ZNF148: variants seen among roughly 807,000 people sequenced by gnomAD.
The protein encoded by ZNF148 is Beta-Enolase Repressor Factor-1.
ZNF148 carries 7 observed loss-of-function variants against 67.7 expected under a neutral mutation model. That is an observed-to-expected ratio of 0.10 (90% CI 0.06 to 0.19). The LOEUF (loss-of-function observed/expected upper bound fraction) is 0.19, where lower values mean the gene tolerates loss of function less well. Ranked by LOEUF, ZNF148 falls within the 10% of genes least tolerant of loss-of-function variation. ZNF148 has a pLI of 1.00. For missense variants in ZNF148, 583 were observed against 947.1 expected (o/e 0.62, Z 5.05); for synonymous variants, 333 against 330.7 (o/e 1.01, Z -0.08).
rs1177837473 is a variant in ZNF148 at position 125,366,383 on chromosome 3, T to C, written c.-234+8719A>G. ...AGCTTAGCTTTCAAGGCCATCCATTTTCAACCCAACCCCAACTGACTCTCC... is the reference window on the plus strand; with the variant it reads ...AGCTTAGCTTTCAAGGCCATCCATTCTCAACCCAACCCCAACTGACTCTCC... On this transcript the variant is annotated intron_variant, in intron 1 of 8. Coordinates refer to ENST00000360647, the MANE Select transcript of ZNF148 (RefSeq NM_021964.3). 2.0e-5 allele frequency among the ~76,000 whole-genome samples: 3 copies of C among 152,322 alleles called. No individual in the cohort carries two copies. In the East Asian group the frequency reaches 5.8e-4, roughly 29 times the overall value.
chr3:125,301,013 T>C (rs1305179394), intron 4 of ZNF148, among the ~76,000 whole-genome samples: 3 of 152,216 alleles, frequency 2.0e-5, no homozygotes, highest in South Asian at 2.1e-4. Context: ...CTTTCTAATA[T>C]AGTGCTATCT....
intron 4 of ZNF148, among the ~76,000 whole-genome samples, chr3:125,291,960 C>A (rs1325648798): frequency 6.6e-6 from 1 of 152,138 alleles, no homozygotes; most frequent in Non-Finnish European, 1.5e-5. Flanking sequence ...AAAGGTATAA[C>A]ACAATTAACT....
chr3:125,363,753 C>T (rs1942616894), intron 1 of ZNF148, among the ~76,000 whole-genome samples: 3 of 151,656 alleles, frequency 2.0e-5, no homozygotes, highest in African/African-American at 2.4e-5. Flanking sequence ...GGGTTCAAGT[C>T]ATTCTCCTGC....
intron 1 of ZNF148, among the ~76,000 whole-genome samples, chr3:125,360,964 A>T (rs1179020913): frequency 2.0e-5 from 3 of 151,872 alleles, no homozygotes; most frequent in Admixed American, 6.6e-5. Flanking sequence ...CCCAGGAGGC[A>T]AGGCTGCAGT....
At chr3:125,346,044 C>G (rs1372233524) in intron 1 of ZNF148, among the ~76,000 whole-genome samples, 1 of 152,120 alleles carries the variant, frequency 6.6e-6, no homozygotes, top group Non-Finnish European at 1.5e-5. Context: ...AAATGACAAG[C>G]CTATAACTCT....
At chr3:125,259,588 G>GT (rs1937244218) in intron 7 of ZNF148, among the ~76,000 whole-genome samples, 1 of 152,138 alleles carries the variant, frequency 6.6e-6, no homozygotes, top group Non-Finnish European at 1.5e-5. Context: ...TAAAAGTTAT[G>GT]TTTACATTAT....
intron 7 of ZNF148, among the ~76,000 whole-genome samples, chr3:125,243,223 C>T (rs1936445782): frequency 6.6e-6 from 1 of 152,120 alleles, no homozygotes; most frequent in Admixed American, 6.5e-5. Context: ...TAAATTCATT[C>T]CTGGGCTTGT....
chr3:125,256,880 TTC>T (rs1354927505), intron 7 of ZNF148, among the ~76,000 whole-genome samples: 2 of 152,100 alleles, frequency 1.3e-5, no homozygotes, highest in African/African-American at 4.8e-5. Flanking sequence ...TTCATTAATC[TTC>T]TCTTTTGTTG....
rs573933147 is a variant in ZNF148 at position 125,263,090 on chromosome 3, A to G, written c.667+14636T>C. Among the ~76,000 whole-genome samples, 281 of 152,292 alleles carry G rather than the reference A, an allele frequency of 1.8e-3. 2 individuals are homozygous for G. The South Asian group carries it at 0.019, about 11-fold the overall frequency. ...GTTCTTTACTCATTTTTTTGAAAAC[A>G]TCTTGACATTTAAGTTGCATACCAT... On this transcript the variant is annotated intron_variant, in intron 7 of 8. Coordinates refer to ENST00000360647, the MANE Select transcript of ZNF148 (RefSeq NM_021964.3).
chr3:125,264,675 A>T (rs1382428241), intron 7 of ZNF148, among the ~76,000 whole-genome samples: 1 of 152,232 alleles, frequency 6.6e-6, no homozygotes, highest in Non-Finnish European at 1.5e-5. Context: ...TGTTTAAACA[A>T]CTATTAAATT....
At chr3:125,306,252 A>T (rs1008494616) in intron 4 of ZNF148, among the ~76,000 whole-genome samples, 2 of 152,174 alleles carry the variant, frequency 1.3e-5, no homozygotes, top group African/African-American at 4.8e-5. Context: ...AAAAGCTAAG[A>T]TAAGAAGAGC....
At chr3:125,357,426 G>GC (rs1201876623) in intron 1 of ZNF148, 3 of 153,286 alleles carry the variant, frequency 2.0e-5, no homozygotes, top group Admixed American at 1.3e-4. Flanking sequence ...AAAGAGGCGT[G>GC]CGGGGTTCGC....
chr3:125,255,501 C>A (rs1937036305), intron 7 of ZNF148, among the ~76,000 whole-genome samples: 1 of 152,076 alleles, frequency 6.6e-6, no homozygotes, highest in African/African-American at 2.4e-5. Context: ...CCTGCCTCCA[C>A]CTCACAAAGT....
At chr3:125,269,188 T>C (rs1579665213) in intron 7 of ZNF148, among the ~76,000 whole-genome samples, 2 of 113,968 alleles carry the variant, frequency 1.8e-5, no homozygotes, top group Admixed American at 2.3e-4. Context: ...GGCAACATGG[T>C]GAAGCCCGGT....
At chr3:125,287,107 T>G (rs1455050) in intron 5 of ZNF148, among the ~76,000 whole-genome samples, 117,190 of 151,986 alleles carry the variant, frequency 0.77, 45,726 homozygotes, top group African/African-American at 0.85. Context: ...CACTAATAAG[T>G]CCAAAAGTAT....
intron 1 of ZNF148, among the ~76,000 whole-genome samples, chr3:125,361,629 C>T (rs929715142): frequency 2.6e-5 from 4 of 152,020 alleles, no homozygotes; most frequent in African/African-American, 4.8e-5. Flanking sequence ...GTCAGGAGTT[C>T]GACACCAGCC....
rs192128913 is a variant in ZNF148 at position 125,315,537 on chromosome 3, T to C, written c.-16-1881A>G. Among the ~76,000 whole-genome samples the C allele has an allele frequency of 9.6e-4, 146 of 151,952 alleles. 1 individual carries two copies. The highest frequency in any genetic ancestry group is 3.0e-3 in the African/African-American group (126 of 41,450). ...TCCTGGCCAACATGGTGAAACCCTG[T>C]CTCTACTAAAAATACAAAAAAATTA... On this transcript the variant is annotated intron_variant, in intron 3 of 8. Coordinates refer to ENST00000360647, the MANE Select transcript of ZNF148 (RefSeq NM_021964.3).
chr3:125,279,850 T>C (rs900412651), intron 5 of ZNF148, among the ~76,000 whole-genome samples: 3 of 152,088 alleles, frequency 2.0e-5, no homozygotes, highest in Non-Finnish European at 2.9e-5. Context: ...GCATAAAAAC[T>C]ACTTGAGAAG....
intron 6 of ZNF148, among the ~76,000 whole-genome samples, chr3:125,278,168 C>A (rs1048814764): frequency 3.5e-4 from 53 of 152,190 alleles, no homozygotes; most frequent in African/African-American, 1.2e-3. Context: ...GAAGAAGGTG[C>A]GCCCATCCTG....
Sources: allele counts gnomAD v4.1 joint callset (sites outside exome capture counted in the v4.1 genomes callset), GRCh38; gene constraint gnomAD v4.1.1; transcripts MANE v1.5; gene names NCBI Gene and HGNC (gene_info 2026-07-23, HGNC 2026-07-21).